Variants in SLC6A3 observed in about 807,000 individuals in gnomAD.
SLC6A3 encodes solute carrier family 6 member 3.
In SLC6A3, 19 loss-of-function variants were observed where a neutral mutation model predicts 70.4. That is an observed-to-expected ratio of 0.27 (90% CI 0.19 to 0.40). SLC6A3 has a LOEUF of 0.40. Among genes scored for constraint, SLC6A3 ranks in the 10% least tolerant of loss-of-function variants. The pLI, the probability that SLC6A3 is intolerant of heterozygous loss-of-function variation, is 1.00. For synonymous variants in SLC6A3, 368 were observed against 356.6 expected (o/e 1.03, Z -0.36); for missense variants, 613 against 838.5 (o/e 0.73, Z 3.32).
chr5:1,432,713 GA>G lies in SLC6A3; in HGVS notation c.419-16del, dbSNP rs1560923593. On this transcript the variant is annotated splice_polypyrimidine_tract_variant and intron_variant, in intron 3 of 14. Transcript: ENST00000270349. The stretch of plus-strand genomic sequence containing the variant: ...GAAGCCCACACCTAGCGGGAAGGGG[GA>G]GGCCATGGAGCCCACGCAGGTGGAG... 4 of 1,593,412 alleles carry G rather than the reference GA, an allele frequency of 2.5e-6. No homozygotes were observed. The Admixed American group carries it at 5.0e-5, about 20-fold the overall frequency.
rs28363145 is a variant in SLC6A3 at position 1,401,256 on chromosome 5, T to C, written c.1768-270A>G. On this transcript the variant is annotated intron_variant, in intron 13 of 14. Transcript: ENST00000270349. The surrounding 1 kb of genome is among the most constrained non-coding windows in gnomAD (Gnocchi z 6.1). ...CTAGCGCAGAGCAGAACATCAGCATTTGAGCACTCGCTTGAAAATAAAACG... is the reference window on the plus strand; with the variant it reads ...CTAGCGCAGAGCAGAACATCAGCATCTGAGCACTCGCTTGAAAATAAAACG... The C allele has an allele frequency of 1.9e-4, 126 of 668,402 alleles. No homozygotes were observed. In the African/African-American group the frequency reaches 1.9e-3, roughly 10 times the overall value. The allele number at this position is 668,402 out of a possible 1,614,324, so 41.4% of individuals were successfully genotyped here. A position where few individuals can be genotyped will look rare whatever the true frequency, so the allele number is the denominator to read the frequency against.
intron 3 of SLC6A3, among the ~76,000 whole-genome samples, chr5:1,434,288 A>G (rs573002467): frequency 5.3e-5 from 8 of 152,302 alleles, no homozygotes; most frequent in African/African-American, 1.9e-4. Flanking sequence ...ACTATGAAGG[A>G]CTACTCAGAG....
Position 1,408,687 on chromosome 5 carries a change from T to C in SLC6A3, c.1498+339A>G, listed in dbSNP as rs1400718672. Among the ~76,000 whole-genome samples, 2 of 152,188 alleles carry C rather than the reference T, an allele frequency of 1.3e-5. No homozygotes were observed. Among genetic ancestry groups the C allele is most frequent in the East Asian group, 3.8e-4 (2 of 5,196 alleles). ...ATGACGGCACCTTTGAAAGGCACCA[T>C]GTCACATCCCTGCTGAAACCCCAGC... On this transcript the variant is annotated intron_variant, in intron 11 of 14. Coordinates refer to ENST00000270349, the MANE Select transcript of SLC6A3 (RefSeq NM_001044.5). This position sits in a 1 kb window ranked among gnomAD's most constrained non-coding sequence, Gnocchi z 6.4.
intron 8 of SLC6A3, among the ~76,000 whole-genome samples, chr5:1,412,302 G>C (rs1756148813): frequency 6.6e-6 from 1 of 152,238 alleles, no homozygotes; most frequent in Admixed American, 6.5e-5. Context: ...GCCATATTGA[G>C]ACAGGCTCCT....
In SLC6A3 at chr5:1,402,996, C is replaced by T. The variant is rs751060245; in HGVS notation, c.1693G>A (p.Ala565Thr). The T allele has an allele frequency of 7.4e-6, 12 of 1,613,964 alleles. No homozygotes were observed. Among genetic ancestry groups the T allele is most frequent in the East Asian group, 2.2e-5 (1 of 44,886 alleles). The change falls in exon 13 of 15, where the codon GCC (alanine) becomes ACC (threonine). Residue 565 changes from alanine to threonine, a missense_variant. This residue lies in a region of SLC6A3 where 348 missense variants were observed against 481.2 expected (regional missense o/e 0.72). Transcript: ENST00000270349. The surrounding 1 kb of genome is among the most constrained non-coding windows in gnomAD (Gnocchi z 8.5). ...DWANALGWVI[A>T]TSSMAMVPIY... ...GGCACCATGGCCATGGAGGATGTGG[C>T]GATGACCCAGCCCAGCGCGTTGGCC...
rs1182400023 is a variant in SLC6A3, at chr5:1,397,136, G to A, written c.1840-2378C>T. On this transcript the variant is annotated intron_variant, in intron 14 of 14. Transcript: ENST00000270349. This position sits in a 1 kb window ranked among gnomAD's most constrained non-coding sequence, Gnocchi z 4.7. ...AGAGACCTGGAGGACCTGGGGCAAAGTGGACACACCAGAGCCTCATAATGG... is the reference window on the plus strand; with the variant it reads ...AGAGACCTGGAGGACCTGGGGCAAAATGGACACACCAGAGCCTCATAATGG... 6.6e-6 allele frequency among the ~76,000 whole-genome samples: 1 copy of A among 152,244 alleles called. No individual in the cohort carries two copies. The highest frequency in any genetic ancestry group is 1.9e-4 in the East Asian group (1 of 5,198).
Position 1,442,784 on chromosome 5 carries a change from C to T in SLC6A3, c.286+128G>A, listed in dbSNP as rs1733711835. ...TGGGAGGATCTGCACCGGCCGTGAG[C>T]TCTCACAGGGAGCTCCGTCTTCACG... On this transcript the variant is annotated intron_variant, in intron 2 of 14. Coordinates refer to ENST00000270349, the MANE Select transcript of SLC6A3 (RefSeq NM_001044.5). The surrounding 1 kb of genome is among the most constrained non-coding windows in gnomAD (Gnocchi z 5.0). 1.1e-6 allele frequency: 1 copy of T among 947,502 alleles called. No individual in the cohort carries two copies. Among genetic ancestry groups the T allele is most frequent in the Non-Finnish European group, 1.7e-6 (1 of 589,302 alleles). 58.7% of individuals were successfully genotyped at this position (947,502 alleles called of 1,614,324 possible). A position where few individuals can be genotyped will look rare whatever the true frequency, so the allele number is the denominator to read the frequency against.
chr5:1,424,109 C>T (rs1350307653), intron 4 of SLC6A3, among the ~76,000 whole-genome samples: 2 of 152,346 alleles, frequency 1.3e-5, no homozygotes, highest in Non-Finnish European at 2.9e-5. Flanking sequence ...TCCTGGAGGG[C>T]GCCCAGGCAG....
intron 4 of SLC6A3, among the ~76,000 whole-genome samples, chr5:1,430,005 A>G (rs1756658832): frequency 6.6e-6 from 1 of 152,128 alleles, no homozygotes; most frequent in African/African-American, 2.4e-5. Flanking sequence ...CTTGCCTGTC[A>G]CCCACGAGAG....
At chr5:1,429,279 G>A (rs1435267434) in intron 4 of SLC6A3, among the ~76,000 whole-genome samples, 1 of 152,198 alleles carries the variant, frequency 6.6e-6, no homozygotes, top group Non-Finnish European at 1.5e-5. Context: ...GAAGGTGTGG[G>A]AGGAGTGCCA....
At chr5:1,440,608 C>T (rs1473100889) in intron 3 of SLC6A3, among the ~76,000 whole-genome samples, 1 of 152,192 alleles carries the variant, frequency 6.6e-6, no homozygotes, top group Non-Finnish European at 1.5e-5. Flanking sequence ...AAGGTCTTTA[C>T]AGAGGTGATC....
intron 8 of SLC6A3, 28 bp downstream of exon 8, chr5:1,414,663 A>G: frequency 1.2e-6 from 2 of 1,610,832 alleles, no homozygotes; most frequent in Middle Eastern, 1.7e-4. Flanking sequence ...TACACGGAGC[A>G]GGCCCAGGTG....
intron 6 of SLC6A3, among the ~76,000 whole-genome samples, chr5:1,418,905 T>C (rs538772839): frequency 1.2e-4 from 18 of 148,204 alleles, no homozygotes; most frequent in African/African-American, 3.3e-4. Context: ...CTATCATTCA[T>C]CCACCCATTC....
chr5:1,408,923 C>A lies in SLC6A3; in HGVS notation c.1498+103G>T. Reference sequence around the variant, plus strand: ...GCTGTGATGACCACAACCCAGGCTTCCTGCAGCTGAAAGGTGTTTCCTCAC... The same window carrying A: ...GCTGTGATGACCACAACCCAGGCTTACTGCAGCTGAAAGGTGTTTCCTCAC... On this transcript the variant is annotated intron_variant, in intron 11 of 14. Transcript: ENST00000270349. This position sits in a 1 kb window ranked among gnomAD's most constrained non-coding sequence, Gnocchi z 6.4. 1.2e-6 allele frequency: 1 copy of A among 801,760 alleles called. No homozygotes were observed. Among genetic ancestry groups the A allele is most frequent in the Non-Finnish European group, 2.1e-6 (1 of 466,686 alleles). The allele number at this position is 801,760 out of a possible 1,614,324, so 49.7% of individuals were successfully genotyped here. A position where few individuals can be genotyped will look rare whatever the true frequency, so the allele number is the denominator to read the frequency against.
rs141609197 is a variant in SLC6A3 at position 1,434,734 on chromosome 5, C to T, written c.419-2036G>A. ...CCATGCCGTCTTGCCTGTTCATGGCCGGGGTAGGAGCATACCTTCAAGGTG... is the reference window on the plus strand; with the variant it reads ...CCATGCCGTCTTGCCTGTTCATGGCTGGGGTAGGAGCATACCTTCAAGGTG... On this transcript the variant is annotated intron_variant, in intron 3 of 14. Coordinates refer to ENST00000270349, the MANE Select transcript of SLC6A3 (RefSeq NM_001044.5). 6.6e-5 allele frequency among the ~76,000 whole-genome samples: 10 copies of T among 152,254 alleles called. No homozygotes were observed. In the East Asian group the frequency reaches 1.3e-3, roughly 21 times the overall value.
At position 1,436,387 on chromosome 5, in the gene SLC6A3, A is replaced by T. The variant is rs904121244; in HGVS notation, c.419-3689T>A. On this transcript the variant is annotated intron_variant, in intron 3 of 14. Coordinates refer to ENST00000270349, the MANE Select transcript of SLC6A3 (RefSeq NM_001044.5). This position sits in a 1 kb window ranked among gnomAD's most constrained non-coding sequence, Gnocchi z 5.2. ...CACATTTCTTAAACACCATTTAGTG[A>T]CACGGGAGACTGTCTCCCCAAGGAG... 1.5e-4 allele frequency among the ~76,000 whole-genome samples: 23 copies of T among 152,310 alleles called. No individual in the cohort carries two copies. The South Asian group carries it at 3.1e-3, about 21-fold the overall frequency.
Position 1,402,819 on chromosome 5 carries a change from G to T in SLC6A3, c.1767+103C>A. ...TGGCCACCTCCAGTCTCCTCCTCTTGGTCACAGATGACCCAGGCAGGTGAG... is the reference window on the plus strand; with the variant it reads ...TGGCCACCTCCAGTCTCCTCCTCTTTGTCACAGATGACCCAGGCAGGTGAG... On this transcript the variant is annotated intron_variant, in intron 13 of 14. Coordinates refer to ENST00000270349, the MANE Select transcript of SLC6A3 (RefSeq NM_001044.5). The surrounding 1 kb of genome is among the most constrained non-coding windows in gnomAD (Gnocchi z 8.5). 2.5e-6 allele frequency: 3 copies of T among 1,194,474 alleles called. No homozygotes were observed. The highest frequency in any genetic ancestry group is 3.7e-6 in the Non-Finnish European group (3 of 821,372). The allele number at this position is 1,194,474 out of a possible 1,614,324, so 74.0% of individuals were successfully genotyped here. A position where few individuals can be genotyped will look rare whatever the true frequency, so the allele number is the denominator to read the frequency against.
At chr5:1,416,074 T>C in intron 7 of SLC6A3, 24 bp downstream of exon 7, 1 of 1,570,132 alleles carries the variant, frequency 6.4e-7, no homozygotes, top group Non-Finnish European at 8.8e-7. Context: ...ATGAGGCCCC[T>C]GCCTGGCCCT....
chr5:1,439,013 G>A (rs144490137), intron 3 of SLC6A3, among the ~76,000 whole-genome samples: 258 of 152,322 alleles, frequency 1.7e-3, no homozygotes, highest in African/African-American at 5.7e-3. Flanking sequence ...TCTGAAACAC[G>A]TCCGTGCCGC....
Sources: gnomAD v4.1 joint callset for allele counts (sites outside exome capture counted in the v4.1 genomes callset) on GRCh38, gnomAD v4.1.1 for gene constraint, gnomAD v4.1.1 regional missense constraint, Gnocchi (gnomAD v3.1) non-coding constraint, MANE v1.5 for transcripts, NCBI Gene and HGNC (gene_info 2026-07-23, HGNC 2026-07-21) for gene names.